Variants in PRKCQ observed in about 807,000 individuals in gnomAD.
The protein encoded by PRKCQ is protein kinase C theta type.
PRKCQ carries 41 observed loss-of-function variants against 91.2 expected under a neutral mutation model. The ratio of observed to expected loss-of-function variants is 0.45; its 90% confidence interval spans 0.35 to 0.58. PRKCQ has a LOEUF of 0.58. PRKCQ is among the 20% of genes least tolerant of loss of function. The pLI, the probability that PRKCQ is intolerant of heterozygous loss-of-function variation, is 0.00. For synonymous variants in PRKCQ, 307 were observed against 316.9 expected, an observed-to-expected ratio of 0.97 and a Z score of 0.33; for missense variants, 673 against 896.5, an observed-to-expected ratio of 0.75 and a Z score of 3.18.
At chr10:6,501,250 A>G (rs951819784) in intron 4 of PRKCQ, among the ~76,000 whole-genome samples, 1 of 152,100 alleles carries the variant, frequency 6.6e-6, no homozygotes, top group Admixed American at 6.5e-5. Flanking sequence ...TGTGTTAGGG[A>G]AAGAAAAAAA....
At chr10:6,441,138 C>A (rs1206954309) in intron 16 of PRKCQ, among the ~76,000 whole-genome samples, 1 of 152,026 alleles carries the variant, frequency 6.6e-6, no homozygotes, top group African/African-American at 2.4e-5. Context: ...AAGATTTCAA[C>A]CAGAGGCAGG....
At chr10:6,567,324 T>A (rs1279758086) in intron 1 of PRKCQ, among the ~76,000 whole-genome samples, 14 of 152,232 alleles carry the variant, frequency 9.2e-5, no homozygotes, top group Non-Finnish European at 1.5e-5. Flanking sequence ...GAGGCCTCCA[T>A]GAACAAAGAC....
In PRKCQ at chr10:6,428,278, TG is replaced by T. The variant is rs1252218806; in HGVS notation, c.2049del (p.Asn684ThrfsTer14). 6.2e-7 allele frequency: 1 copy of T among 1,614,218 alleles called. No homozygotes were observed. Among genetic ancestry groups the T allele is most frequent in the Non-Finnish European group, 8.5e-7 (1 of 1,180,040 alleles). ...CTGAACATATTCTGGTCCATGCTGT[TG>T]ATCAGTGCTCTGTCGGCAAATGACA... ...PRLSFADRAL[I>X]NSMDQNMFRN... On this transcript the variant is annotated frameshift_variant, in exon 18 of 18. Coordinates refer to ENST00000263125, the MANE Select transcript of PRKCQ (RefSeq NM_006257.5). LOFTEE classifies it high-confidence loss of function.
intron 1 of PRKCQ, among the ~76,000 whole-genome samples, chr10:6,561,058 T>C (rs577227652): frequency 6.8e-6 from 1 of 147,584 alleles, no homozygotes; most frequent in Non-Finnish European, 1.5e-5. Flanking sequence ...AAAAAATTTA[T>C]TCTTTTCAAA....
At chr10:6,451,545 G>GA (rs1393965796) in intron 15 of PRKCQ, among the ~76,000 whole-genome samples, 2 of 151,908 alleles carry the variant, frequency 1.3e-5, no homozygotes, top group Admixed American at 6.6e-5. Context: ...CCACTAAATA[G>GA]AAAAAAAGGG....
chr10:6,563,232 C>T (rs149149365), intron 1 of PRKCQ, among the ~76,000 whole-genome samples: 10 of 151,884 alleles, frequency 6.6e-5, no homozygotes, highest in African/African-American at 1.4e-4. Flanking sequence ...CCAAGAGTCC[C>T]GGAAGCAGCA....
intron 1 of PRKCQ, among the ~76,000 whole-genome samples, chr10:6,532,972 A>G (rs2130902954): frequency 6.6e-6 from 1 of 152,274 alleles, no homozygotes; most frequent in African/African-American, 2.4e-5. Flanking sequence ...TCTAAGCTCT[A>G]TGACTTCAAA....
intron 1 of PRKCQ, 124 bp from the exon 2 acceptor site, chr10:6,515,268 A>T: frequency 6.5e-7 from 1 of 1,543,074 alleles, no homozygotes. Flanking sequence ...TCCACTATCC[A>T]TGTGAACAAA....
At chr10:6,435,609 A>T (rs555426928) in intron 16 of PRKCQ, among the ~76,000 whole-genome samples, 1 of 152,366 alleles carries the variant, frequency 6.6e-6, no homozygotes, top group African/African-American at 2.4e-5. Flanking sequence ...TTTGAACAGC[A>T]GTGTCCAATC....
At chr10:6,535,108 G>T (rs780995074) in intron 1 of PRKCQ, among the ~76,000 whole-genome samples, 14 of 152,120 alleles carry the variant, frequency 9.2e-5, no homozygotes, top group Non-Finnish European at 1.9e-4. Flanking sequence ...AAGTAACCTG[G>T]CTCACTTCTG....
intron 16 of PRKCQ, among the ~76,000 whole-genome samples, chr10:6,431,859 A>G (rs1335025969): frequency 1.3e-5 from 2 of 152,232 alleles, no homozygotes; most frequent in Non-Finnish European, 2.9e-5. Context: ...GAGCTGGCAC[A>G]TACATACATA....
At chr10:6,554,616 A>C (rs1759923867) in intron 1 of PRKCQ, among the ~76,000 whole-genome samples, 1 of 152,200 alleles carries the variant, frequency 6.6e-6, no homozygotes, top group African/African-American at 2.4e-5. Context: ...GGGGCTTTAC[A>C]GAAAATGAAA....
At chr10:6,527,256 C>G (rs906200437) in intron 1 of PRKCQ, among the ~76,000 whole-genome samples, 1 of 152,144 alleles carries the variant, frequency 6.6e-6, no homozygotes, top group Non-Finnish European at 1.5e-5. Flanking sequence ...ACTGAAACTT[C>G]TTGGGCAAGT....
chr10:6,489,451 T>C (rs893180562), intron 8 of PRKCQ: 4 of 532,198 alleles, frequency 7.5e-6, no homozygotes, highest in Non-Finnish European at 1.5e-5. Context: ...TGGATGACTA[T>C]TTTCTTGGGA....
In PRKCQ at chr10:6,540,229, A is replaced by G. The variant is rs567014424; in HGVS notation, c.-9-25085T>C. Among the ~76,000 whole-genome samples, 21 of 152,350 alleles carry G rather than the reference A, an allele frequency of 1.4e-4. 1 individual carries two copies. In the East Asian group the frequency reaches 3.1e-3, roughly 22 times the overall value. On this transcript the variant is annotated intron_variant, in intron 1 of 17. Transcript: ENST00000263125. ...TTAATAACCTTTTTATTGTGGTAAA[A>G]TATATACAATATAAAATGTATCATG...
At chr10:6,507,028 TATTG>T (rs1411549136) in intron 4 of PRKCQ, among the ~76,000 whole-genome samples, 3 of 152,238 alleles carry the variant, frequency 2.0e-5, no homozygotes, top group Non-Finnish European at 2.9e-5. Flanking sequence ...TTATGGAATA[TATTG>T]ATTGACTTCT....
At chr10:6,470,544 T>A (rs189236782) in intron 12 of PRKCQ, among the ~76,000 whole-genome samples, 50 of 152,320 alleles carry the variant, frequency 3.3e-4, no homozygotes, top group African/African-American at 1.1e-3. Context: ...AACTGCTCTA[T>A]GCTATTTATC....
At chr10:6,448,494 C>T (rs10159525) in intron 15 of PRKCQ, among the ~76,000 whole-genome samples, 6,293 of 152,022 alleles carry the variant, frequency 0.041, 391 homozygotes, top group African/African-American at 0.13. Context: ...CTGCAACCTC[C>T]GCCTCCCGGG....
At chr10:6,528,483 C>G (rs1182233768) in intron 1 of PRKCQ, among the ~76,000 whole-genome samples, 1 of 152,138 alleles carries the variant, frequency 6.6e-6, no homozygotes, top group Admixed American at 6.5e-5. Context: ...TGTGAACAGA[C>G]GACCAACTTA....
Sources: allele counts gnomAD v4.1 joint callset (sites outside exome capture counted in the v4.1 genomes callset), GRCh38; gene constraint gnomAD v4.1.1; transcripts MANE v1.5; gene names NCBI Gene and HGNC (gene_info 2026-07-23, HGNC 2026-07-21).